The following DSE variants were observed in gnomAD, a reference collection of about 807,000 sequenced individuals.
DSE encodes the protein dermatan-sulfate epimerase.
Under a neutral mutation model 84.4 loss-of-function variants are expected in DSE, and 36 were observed. That is an observed-to-expected ratio of 0.43 (90% CI 0.33 to 0.56). The LOEUF (loss-of-function observed/expected upper bound fraction) is 0.56, where lower values mean the gene tolerates loss of function less well. DSE is among the 20% of genes least tolerant of loss of function. DSE has a pLI of 0.06. For missense variants in DSE, 862 were observed against 1,169.6 expected, an observed-to-expected ratio of 0.74 and a Z score of 3.84; for synonymous variants, 410 against 430.1, an observed-to-expected ratio of 0.95 and a Z score of 0.58.
At position 116,309,155 on chromosome 6, in the gene DSE, T is replaced by G. The variant is rs80088901; in HGVS notation, c.-54+50188T>G. 1.6e-3 allele frequency among the ~76,000 whole-genome samples: 247 copies of G among 152,310 alleles called. 2 individuals are homozygous for G. Among genetic ancestry groups the G allele is most frequent in the African/African-American group, 5.7e-3 (239 of 41,578 alleles). On this transcript the variant is annotated intron_variant, in intron 2 of 3. Coordinates refer to the DSE transcript ENST00000430252. ...TTATGAGGAGCAAATTAAAGAAAAT[T>G]AGAATCATCTGTTGTGCTAGATGAC...
At chr6:116,355,797 A>G (rs1174624598) in intron 2 of DSE, 3 of 152,240 alleles carry the variant, frequency 2.0e-5, no homozygotes, top group African/African-American at 4.8e-5. Context: ...CAAGGCAACA[A>G]GTGGACACAT....
rs747101543 is a variant in DSE at position 116,258,881 on chromosome 6, G to GC, written c.-139dup. ...AGCTTCTTGCCGTTGTTGCAGCCGTGCATCATCATGGAGTTAGTAAGGCGC... is the reference window on the plus strand; with the variant it reads ...AGCTTCTTGCCGTTGTTGCAGCCGTGCCATCATCATGGAGTTAGTAAGGCGC... On this transcript the variant is annotated 5_prime_UTR_variant, in exon 2 of 4. Coordinates refer to the DSE transcript ENST00000430252. 4 of 1,605,640 alleles carry GC rather than the reference G, an allele frequency of 2.5e-6. No individual in the cohort carries two copies. In the African/African-American group the frequency reaches 5.4e-5, roughly 21 times the overall value.
intron 2 of DSE, among the ~76,000 whole-genome samples, chr6:116,358,108 A>G (rs996442898): frequency 6.6e-6 from 1 of 152,228 alleles, no homozygotes; most frequent in Non-Finnish European, 1.5e-5. Flanking sequence ...GGAAGAAGGC[A>G]GGCAAGTCTT....
intron 2 of DSE, among the ~76,000 whole-genome samples, chr6:116,349,093 T>G (rs1218598554): frequency 6.6e-6 from 1 of 152,178 alleles, no homozygotes; most frequent in Non-Finnish European, 1.5e-5. Context: ...GTTGTTCTCA[T>G]GTACCCTAGA....
intron 2 of DSE, among the ~76,000 whole-genome samples, chr6:116,358,102 G>A (rs1778679828): frequency 6.6e-6 from 1 of 152,200 alleles, no homozygotes; most frequent in African/African-American, 2.4e-5. Context: ...GCTGCTGGAA[G>A]AAGGCAGGCA....
At chr6:116,356,147 A>G (rs1778558622) in intron 2 of DSE, among the ~76,000 whole-genome samples, 1 of 152,232 alleles carries the variant, frequency 6.6e-6, no homozygotes, top group African/African-American at 2.4e-5. Flanking sequence ...CTAGAGAGAT[A>G]TAAGACATGA....
chr6:116,416,913 C>A (rs1396830916), intron 2 of DSE, among the ~76,000 whole-genome samples: 1 of 152,154 alleles, frequency 6.6e-6, no homozygotes, highest in Non-Finnish European at 1.5e-5. Flanking sequence ...TTTAAAATAT[C>A]AAGCTCCTTT....
chr6:116,429,011 C>G (rs1783633615), intron 3 of DSE, among the ~76,000 whole-genome samples: 1 of 151,998 alleles, frequency 6.6e-6, no homozygotes, highest in Non-Finnish European at 1.5e-5. Context: ...TTGTAAGGAA[C>G]AAATAAGGAA....
intron 1 of DSE, among the ~76,000 whole-genome samples, chr6:116,387,239 A>G (rs2114963751): frequency 6.6e-6 from 1 of 152,296 alleles, no homozygotes; most frequent in South Asian, 2.1e-4. Context: ...GTTGATGTTG[A>G]ATTCTGGAAT....
chr6:116,354,866 T>C (rs1778494792), intron 2 of DSE, among the ~76,000 whole-genome samples: 1 of 152,202 alleles, frequency 6.6e-6, no homozygotes, highest in South Asian at 2.1e-4. Flanking sequence ...GGTTTTATAA[T>C]AAAATAGTGA....
intron 1 of DSE, among the ~76,000 whole-genome samples, chr6:116,384,426 A>T (rs571080137): frequency 1.3e-5 from 2 of 152,316 alleles, no homozygotes; most frequent in African/African-American, 2.4e-5. Context: ...TGGGATGGCG[A>T]AAGTTGGGGG....
intron 2 of DSE, among the ~76,000 whole-genome samples, chr6:116,340,374 G>C (rs931339163): frequency 1.3e-5 from 2 of 152,108 alleles, no homozygotes; most frequent in Admixed American, 6.6e-5. Context: ...ATATGCTATT[G>C]AGGGCTTCTA....
chr6:116,377,452 A>G (rs1779994766), intron 1 of DSE, among the ~76,000 whole-genome samples: 2 of 152,232 alleles, frequency 1.3e-5, no homozygotes, highest in South Asian at 4.1e-4. Flanking sequence ...AGTAGGTAGC[A>G]ACATTAGTGT....
rs149656713 is a variant in DSE at position 116,354,970 on chromosome 6, T to C, written c.-53-44228T>C. Among the ~76,000 whole-genome samples the C allele has an allele frequency of 3.1e-3, 477 of 152,362 alleles. 5 individuals are homozygous for C. The highest frequency in any genetic ancestry group is 0.011 in the African/African-American group (439 of 41,594). The stretch of plus-strand genomic sequence containing the variant: ...AATTTGACACTGGTGTCAATTTCAC[T>C]GTACTCATTCACATATATAATACAC... On this transcript the variant is annotated intron_variant, in intron 2 of 3. Transcript: ENST00000430252.
At chr6:116,389,574 G>A (rs1322618260) in intron 1 of DSE, among the ~76,000 whole-genome samples, 1 of 152,130 alleles carries the variant, frequency 6.6e-6, no homozygotes, top group East Asian at 1.9e-4. Flanking sequence ...TCTGCCTTCA[G>A]GAATGTATTG....
chr6:116,426,601 G>C lies in DSE; in HGVS notation c.444G>C (p.Glu148Asp), dbSNP rs746719999. The change falls in exon 3 of 6, where the codon GAG (glutamate) becomes GAC (aspartate). Residue 148 changes from glutamate to aspartate, a missense_variant. Glu to Asp is a conservative substitution (Grantham distance 45). This residue lies in a region of DSE where 309 missense variants were observed against 516.9 expected (regional missense o/e 0.60). Transcript: ENST00000644252. ...TGGTGAAAGATGCTCCTTGGGATGA[G>C]GTCCCGCTTGCTCACTCCCTGGTTG... ...SWLVKDAPWD[E>D]VPLAHSLVGF... is the part of the protein sequence containing the mutation. The C allele has an allele frequency of 1.9e-6, 3 of 1,613,782 alleles. No homozygotes were observed. In the African/African-American group the frequency reaches 4.0e-5, roughly 22 times the overall value.
chr6:116,429,290 A>T (rs1783657514), intron 3 of DSE, among the ~76,000 whole-genome samples: 1 of 152,166 alleles, frequency 6.6e-6, no homozygotes, highest in Non-Finnish European at 1.5e-5. Context: ...TCAGGAGCCA[A>T]GTCTTAGCCT....
At position 116,431,213 on chromosome 6, in the gene DSE, G is replaced by A. The variant is rs376761852; in HGVS notation, c.910+20G>A. On this transcript the variant is annotated intron_variant, in intron 4 of 5. Transcript: ENST00000644252. Reference sequence around the variant, plus strand: ...TGCCAGGTATAGTGAGGAGTCAGAAGTGTGAAAACATTAAACTATTGTAAT... The same window carrying A: ...TGCCAGGTATAGTGAGGAGTCAGAAATGTGAAAACATTAAACTATTGTAAT... 206 of 1,612,310 alleles carry A rather than the reference G, an allele frequency of 1.3e-4. 1 individual carries two copies. Among genetic ancestry groups the A allele is most frequent in the Middle Eastern group, 9.9e-4 (6 of 6,050 alleles).
intron 2 of DSE, among the ~76,000 whole-genome samples, chr6:116,356,409 A>G (rs1778571709): frequency 6.6e-6 from 1 of 152,212 alleles, no homozygotes; most frequent in Non-Finnish European, 1.5e-5. Flanking sequence ...GACTTACACT[A>G]AAACCATAAT....
Sources: gnomAD v4.1 joint callset for allele counts (sites outside exome capture counted in the v4.1 genomes callset) on GRCh38, gnomAD v4.1.1 for gene constraint, gnomAD v4.1.1 regional missense constraint, MANE v1.5 for transcripts, NCBI Gene and HGNC (gene_info 2026-07-23, HGNC 2026-07-21) for gene names.